Variants in SYT14 observed in about 807,000 individuals in gnomAD.
SYT14 encodes synaptotagmin 14.
Under a neutral mutation model 74.2 loss-of-function variants are expected in SYT14, and 32 were observed. The ratio of observed to expected loss-of-function variants is 0.43; its 90% CI spans 0.33 to 0.58. SYT14 has a LOEUF of 0.58. Among genes scored for constraint, SYT14 ranks in the 20% least tolerant of loss-of-function variants. The pLI, the probability that SYT14 is intolerant of heterozygous loss-of-function variation, is 0.05. For synonymous variants in SYT14, 298 were observed against 337.7 expected, an observed-to-expected ratio of 0.88 and a Z score of 1.29; for missense variants, 791 against 981.8, an observed-to-expected ratio of 0.81 and a Z score of 2.60.
chr1:210,126,562 T>C (rs2082574921), intron 7 of SYT14, among the ~76,000 whole-genome samples: 1 of 152,174 alleles, frequency 6.6e-6, no homozygotes, highest in South Asian at 2.1e-4. Flanking sequence ...ATGAACATGT[T>C]TTTATTCCCA....
chr1:210,104,466 C>T (rs1206350291), intron 7 of SYT14, among the ~76,000 whole-genome samples: 1 of 152,190 alleles, frequency 6.6e-6, no homozygotes, highest in South Asian at 2.1e-4. Flanking sequence ...TTATGCCAAA[C>T]TCAGTAGCTA....
chr1:210,155,817 A>G (rs778119849), exon 8 of SYT14: 3 of 1,614,114 alleles, frequency 1.9e-6, no homozygotes, highest in Non-Finnish European at 2.5e-6. Flanking sequence ...AGAAATTCTT[A>G]TTGGCCTGCT....
intron 2 of SYT14, among the ~76,000 whole-genome samples, chr1:209,986,006 T>C (rs2079563755): frequency 6.6e-6 from 1 of 152,160 alleles, no homozygotes; most frequent in Non-Finnish European, 1.5e-5. Flanking sequence ...GACCTTTGGT[T>C]GGAAGGGCTG....
Position 209,976,964 on chromosome 1 carries a change from CTTCT to C in SYT14, c.-486+24211_-486+24214del, listed in dbSNP as rs1265517602. ...GATCCCTTTACCATTATGTAATGGCCTTCTTTGTCTCTTTTGATCTTTGTTGGTT... is the reference window on the plus strand; with the variant it reads ...GATCCCTTTACCATTATGTAATGGCCTTGTCTCTTTTGATCTTTGTTGGTT... On this transcript the variant is annotated intron_variant, in intron 2 of 9. Transcript: ENST00000637265. Among the ~76,000 whole-genome samples the C allele has an allele frequency of 2.0e-5, 3 of 152,136 alleles. No homozygotes were observed. The East Asian group carries it at 5.8e-4, about 29-fold the overall frequency.
chr1:209,950,129 C>G (rs1337838150), intron 1 of SYT14, among the ~76,000 whole-genome samples: 1 of 151,872 alleles, frequency 6.6e-6, no homozygotes, highest in African/African-American at 2.4e-5. Flanking sequence ...ATATTAAATA[C>G]GGGGGAGAGT....
At chr1:210,125,031 C>T (rs1457621145) in intron 7 of SYT14, among the ~76,000 whole-genome samples, 2 of 152,020 alleles carry the variant, frequency 1.3e-5, no homozygotes, top group African/African-American at 4.8e-5. Flanking sequence ...CAAGTTCAAA[C>T]GAAAGATGTT....
chr1:209,994,507 C>A (rs1380461752), intron 2 of SYT14, among the ~76,000 whole-genome samples: 2 of 152,022 alleles, frequency 1.3e-5, no homozygotes, highest in African/African-American at 2.4e-5. Context: ...GTGATTAAAT[C>A]TAAGACTCAT....
intron 2 of SYT14, among the ~76,000 whole-genome samples, chr1:209,976,831 T>C (rs1171210658): frequency 1.3e-5 from 2 of 152,166 alleles, no homozygotes; most frequent in African/African-American, 4.8e-5. Flanking sequence ...TATTATTGTG[T>C]GGGAGTCTAA....
chr1:210,007,823 C>T (rs2080016317), intron 2 of SYT14, among the ~76,000 whole-genome samples: 1 of 152,120 alleles, frequency 6.6e-6, no homozygotes, highest in African/African-American at 2.4e-5. Flanking sequence ...TGAACTTGGA[C>T]AACTTAATTA....
At chr1:210,031,086 TGTC>T (rs1365291170) in intron 5 of SYT14, among the ~76,000 whole-genome samples, 3 of 139,248 alleles carry the variant, frequency 2.2e-5, no homozygotes, top group Non-Finnish European at 4.7e-5. Flanking sequence ...CCACCATGCC[TGTC>T]TTTTTTTTTT....
At chr1:210,064,595 T>G (rs2081263890) in intron 5 of SYT14, among the ~76,000 whole-genome samples, 1 of 152,048 alleles carries the variant, frequency 6.6e-6, no homozygotes, top group Admixed American at 6.6e-5. Context: ...GTACCAGGTA[T>G]TATTTCTTTT....
At chr1:210,058,285 A>T (rs930138083) in intron 5 of SYT14, among the ~76,000 whole-genome samples, 1 of 152,162 alleles carries the variant, frequency 6.6e-6, no homozygotes, top group African/African-American at 2.4e-5. Flanking sequence ...CTCCCACACC[A>T]TATCAAATAA....
At chr1:210,129,983 A>G (rs897768663) in intron 7 of SYT14, among the ~76,000 whole-genome samples, 4 of 152,166 alleles carry the variant, frequency 2.6e-5, no homozygotes, top group African/African-American at 4.8e-5. Flanking sequence ...TCTTACTTTC[A>G]TATCTTCTTC....
intron 5 of SYT14, among the ~76,000 whole-genome samples, chr1:210,049,584 C>T (rs1317229051): frequency 6.6e-6 from 1 of 152,116 alleles, no homozygotes; most frequent in Admixed American, 6.5e-5. Flanking sequence ...CCTCCCCTTA[C>T]ACCCCACCCT....
chr1:209,994,051 T>G (rs1202602742), intron 2 of SYT14, among the ~76,000 whole-genome samples: 1 of 152,128 alleles, frequency 6.6e-6, no homozygotes, highest in Non-Finnish European at 1.5e-5. Flanking sequence ...CCCTCCAAGA[T>G]GAGAGTCAGT....
chr1:210,140,536 C>T (rs1420075453), intron 7 of SYT14, among the ~76,000 whole-genome samples: 3 of 151,966 alleles, frequency 2.0e-5, no homozygotes, highest in Admixed American at 6.6e-5. Flanking sequence ...TTTTTTCCTT[C>T]TGTTGCTTGT....
intron 5 of SYT14, among the ~76,000 whole-genome samples, chr1:210,038,090 T>C (rs2080708446): frequency 6.6e-6 from 1 of 152,048 alleles, no homozygotes; most frequent in Non-Finnish European, 1.5e-5. Flanking sequence ...TCTAGTTATG[T>C]TTGTTTTATG....
chr1:210,169,078 T>C (rs1304041737), exon 10 of SYT14: 1 of 152,110 alleles, frequency 6.6e-6, no homozygotes, highest in African/African-American at 2.4e-5. Flanking sequence ...TTTTAAATTT[T>C]ACAGGAAGCC....
rs1465693063 is a variant in SYT14 at position 210,114,216 on chromosome 1, G to A, written c.2034+13755G>A. Among the ~76,000 whole-genome samples the A allele has an allele frequency of 8.6e-5, 13 of 151,388 alleles. 1 individual carries two copies. Among genetic ancestry groups the A allele is most frequent in the African/African-American group, 3.0e-4 (12 of 40,654 alleles). Reference sequence around the variant, plus strand: ...CCCTCACAGATGGGACATGGTTTAGGAGGAATCCCGGGCTGCAGGCATTCC... The same window carrying A: ...CCCTCACAGATGGGACATGGTTTAGAAGGAATCCCGGGCTGCAGGCATTCC... On this transcript the variant is annotated intron_variant, in intron 7 of 9. Coordinates refer to ENST00000637265, the Ensembl canonical transcript of SYT14.
Sources: gnomAD v4.1 joint callset for allele counts (sites outside exome capture counted in the v4.1 genomes callset) on GRCh38, gnomAD v4.1.1 for gene constraint, MANE v1.5 for transcripts, NCBI Gene and HGNC (gene_info 2026-07-23, HGNC 2026-07-21) for gene names.